Variants in SAMMSON observed in about 807,000 individuals in gnomAD.
SAMMSON encodes the protein survival associated mitochondrial melanoma specific oncogenic non-coding RNA, also known as long intergenic non-protein coding RNA 1212.
At chr3:70,020,493 A>C (rs1017883797) in intron 3 of SAMMSON, among the ~76,000 whole-genome samples, 3 of 152,172 alleles carry the variant, frequency 2.0e-5, no homozygotes, top group African/African-American at 4.8e-5. Flanking sequence ...CAGATGAATC[A>C]ACAGAACCAG....
At chr3:70,192,239 A>T (rs1701136076) in intron 4 of SAMMSON, among the ~76,000 whole-genome samples, 2 of 152,226 alleles carry the variant, frequency 1.3e-5, no homozygotes, top group Non-Finnish European at 2.9e-5. Context: ...ATAGCTGTGC[A>T]AGCACCTCTA....
intron 9 of SAMMSON, among the ~76,000 whole-genome samples, chr3:70,365,587 T>A (rs909670097): frequency 6.6e-6 from 1 of 151,790 alleles, no homozygotes. Context: ...ATTTACTTGT[T>A]AAGTCCAGTG....
chr3:70,016,740 A>G (rs905508982), intron 3 of SAMMSON, among the ~76,000 whole-genome samples: 1 of 152,144 alleles, frequency 6.6e-6, no homozygotes, highest in African/African-American at 2.4e-5. Flanking sequence ...TAAGTCTTTA[A>G]TCCATCTTGA....
intron 6 of SAMMSON, among the ~76,000 whole-genome samples, chr3:70,283,014 A>C (rs895686625): frequency 2.0e-5 from 3 of 152,210 alleles, no homozygotes; most frequent in African/African-American, 7.2e-5. Flanking sequence ...CTGAAAAAAC[A>C]GTTGATTACA....
intron 7 of SAMMSON, among the ~76,000 whole-genome samples, chr3:70,351,885 A>C (rs1702797361): frequency 1.3e-5 from 2 of 152,132 alleles, no homozygotes; most frequent in Admixed American, 6.6e-5. Context: ...CTCCTCACTG[A>C]TTAGGTTCGT....
At chr3:70,229,554 G>T (rs1173073333) in intron 4 of SAMMSON, among the ~76,000 whole-genome samples, 2 of 152,178 alleles carry the variant, frequency 1.3e-5, no homozygotes, top group Non-Finnish European at 2.9e-5. Flanking sequence ...TGGCTGAAGG[G>T]ACATGGGCAG....
intron 9 of SAMMSON, among the ~76,000 whole-genome samples, chr3:70,374,662 T>C (rs2106747914): frequency 6.6e-6 from 1 of 152,310 alleles, no homozygotes. Flanking sequence ...AGCCTCACTG[T>C]TGACTATGGG....
At chr3:70,168,062 C>T (rs62254821) in intron 4 of SAMMSON, among the ~76,000 whole-genome samples, 68,507 of 151,820 alleles carry the variant, frequency 0.45, 16,637 homozygotes, top group Non-Finnish European at 0.52. Flanking sequence ...TGGCCAAAGA[C>T]GTCTCCGTGA....
chr3:70,265,557 G>A (rs1309314276), intron 6 of SAMMSON, among the ~76,000 whole-genome samples: 1 of 151,148 alleles, frequency 6.6e-6, no homozygotes, highest in Non-Finnish European at 1.5e-5. Context: ...AGGACTTTTA[G>A]GGTGGGGTTG....
intron 4 of SAMMSON, among the ~76,000 whole-genome samples, chr3:70,170,637 T>C (rs561265090): frequency 5.3e-4 from 80 of 150,718 alleles, no homozygotes; most frequent in Middle Eastern, 3.4e-3. Context: ...ATTCGTATTT[T>C]ATTCACTGGC....
At chr3:70,306,568 A>T (rs140294170) in intron 7 of SAMMSON, among the ~76,000 whole-genome samples, 1 of 152,002 alleles carries the variant, frequency 6.6e-6, no homozygotes, top group Admixed American at 6.6e-5. Context: ...TTTATTGCCC[A>T]TTCCCCACCC....
chr3:70,429,056 T>C (rs1701393199), intron 2 of SAMMSON, among the ~76,000 whole-genome samples: 1 of 152,170 alleles, frequency 6.6e-6, no homozygotes, highest in African/African-American at 2.4e-5. Flanking sequence ...GCCTGAATGG[T>C]ATTGCCTAGG....
chr3:70,309,087 G>C (rs1422362366), intron 7 of SAMMSON, among the ~76,000 whole-genome samples: 1 of 152,100 alleles, frequency 6.6e-6, no homozygotes, highest in Non-Finnish European at 1.5e-5. Flanking sequence ...GAGTGAGGGA[G>C]GTTGGAGGTC....
intron 4 of SAMMSON, chr3:70,137,573 A>G (rs2067511095): frequency 6.6e-6 from 1 of 152,132 alleles, no homozygotes; most frequent in Non-Finnish European, 1.5e-5. Flanking sequence ...AACCTAAAAT[A>G]TTTCCTTTCT....
intron 4 of SAMMSON, among the ~76,000 whole-genome samples, chr3:70,108,628 A>G (rs2067376903): frequency 6.6e-6 from 1 of 151,860 alleles, no homozygotes; most frequent in African/African-American, 2.4e-5. Context: ...AACTGGAGTT[A>G]GATGAGGTCT....
At chr3:70,279,630 C>T (rs987792128) in intron 6 of SAMMSON, among the ~76,000 whole-genome samples, 8 of 152,242 alleles carry the variant, frequency 5.3e-5, no homozygotes, top group South Asian at 2.1e-4. Context: ...TGCTCTCTTG[C>T]GCTACATGCT....
chr3:70,118,042 C>T (rs1160636072), intron 4 of SAMMSON, among the ~76,000 whole-genome samples: 1 of 152,114 alleles, frequency 6.6e-6, no homozygotes, highest in African/African-American at 2.4e-5. Context: ...CTCAGCCTCG[C>T]AAGTAGCTGG....
intron 4 of SAMMSON, among the ~76,000 whole-genome samples, chr3:70,085,959 A>G (rs1252306658): frequency 6.6e-6 from 1 of 152,232 alleles, no homozygotes; most frequent in Non-Finnish European, 1.5e-5. Context: ...GAATAAAACA[A>G]TACTAAGAGG....
chr3:70,005,892 C>G (rs1175242530), intron 1 of SAMMSON, among the ~76,000 whole-genome samples: 2 of 152,154 alleles, frequency 1.3e-5, no homozygotes, highest in Non-Finnish European at 2.9e-5. Context: ...TTGTTCTAAA[C>G]AGGCTTCAGT....
Sources: allele counts gnomAD v4.1 joint callset (sites outside exome capture counted in the v4.1 genomes callset), GRCh38; gene constraint gnomAD v4.1.1; transcripts MANE v1.5; gene names NCBI Gene and HGNC (gene_info 2026-07-23, HGNC 2026-07-21).